The following HECTD4 variants were observed in gnomAD, a reference collection of about 807,000 sequenced individuals.
The protein encoded by HECTD4 is probable E3 ubiquitin-protein ligase HECTD4.
In HECTD4, 114 loss-of-function variants were observed where a neutral mutation model predicts 471.5. That is an observed-to-expected ratio of 0.24 (90% CI 0.21 to 0.28). HECTD4 has a LOEUF of 0.28. Among genes scored for constraint, HECTD4 ranks in the 10% least tolerant of loss-of-function variants. The pLI is 1.00. For synonymous variants in HECTD4, 2,012 were observed against 2,256.0 expected (o/e 0.89, Z 3.07); for missense variants, 3,866 against 5,651.5 (o/e 0.68, Z 10.13).
chr12:112,366,283 A>G (rs1173798389), intron 1 of HECTD4, among the ~76,000 whole-genome samples: 1 of 152,102 alleles, frequency 6.6e-6, no homozygotes, highest in African/African-American at 2.4e-5. Context: ...CAAGGTGGGT[A>G]GACAACTTGA....
At chr12:112,167,683 G>T in intron 71 of HECTD4, 131 bp downstream of exon 71, 1 of 1,038,986 alleles carries the variant, frequency 9.6e-7, no homozygotes, top group Non-Finnish European at 1.5e-6. Flanking sequence ...GTGAGGCAAG[G>T]ACCTGTCCCC....
chr12:112,372,329 G>A (rs990339617), intron 1 of HECTD4, among the ~76,000 whole-genome samples: 14 of 151,650 alleles, frequency 9.2e-5, no homozygotes, highest in Non-Finnish European at 1.3e-4. Context: ...GCGCAATCTC[G>A]GCTCACTGCA....
At chr12:112,338,363 C>G (rs2035995658) in intron 1 of HECTD4, among the ~76,000 whole-genome samples, 1 of 152,192 alleles carries the variant, frequency 6.6e-6, no homozygotes. Context: ...GTGGCTCACG[C>G]CTGTAGTTCT....
At chr12:112,355,126 C>T (rs911085092) in intron 1 of HECTD4, among the ~76,000 whole-genome samples, 1 of 150,304 alleles carries the variant, frequency 6.7e-6, no homozygotes, top group Non-Finnish European at 1.5e-5. Flanking sequence ...AATTCAGGTG[C>T]GTGCCACCAG....
At chr12:112,282,445 T>C (rs888151550) in intron 8 of HECTD4, among the ~76,000 whole-genome samples, 5 of 151,976 alleles carry the variant, frequency 3.3e-5, no homozygotes, top group Non-Finnish European at 7.4e-5. Flanking sequence ...ACAATGTATA[T>C]AGTATACTAC....
At chr12:112,374,514 G>C (rs573823968) in intron 1 of HECTD4, among the ~76,000 whole-genome samples, 1 of 152,336 alleles carries the variant, frequency 6.6e-6, no homozygotes, top group South Asian at 2.1e-4. Context: ...CTGAAAGCCT[G>C]TTGGGCCTTT....
chr12:112,341,736 T>C (rs1441296744), intron 1 of HECTD4, among the ~76,000 whole-genome samples: 3 of 152,174 alleles, frequency 2.0e-5, no homozygotes, highest in Admixed American at 1.3e-4. Context: ...AGACTTAATA[T>C]GTGTTGGGGG....
At chr12:112,355,186 G>A (rs2036311745) in intron 1 of HECTD4, among the ~76,000 whole-genome samples, 1 of 151,300 alleles carries the variant, frequency 6.6e-6, no homozygotes, top group African/African-American at 2.4e-5. Flanking sequence ...TCGCCATGTT[G>A]GCCAGGCTGG....
chr12:112,216,724 T>C, intron 47 of HECTD4, 49 bp downstream of exon 47: 1 of 1,596,400 alleles, frequency 6.3e-7, no homozygotes, highest in East Asian at 2.2e-5. Context: ...ATACACACCT[T>C]GTGGGAGGCT....
chr12:112,247,134 TA>T lies in HECTD4; in HGVS notation c.4338-59del, dbSNP rs565906385. The T allele has an allele frequency of 5.1e-4, 669 of 1,311,080 alleles. 1 individual carries two copies. Among genetic ancestry groups the T allele is most frequent in the Middle Eastern group, 1.3e-3 (5 of 3,834 alleles). The allele number at this position is 1,311,080 out of a possible 1,614,324, so 81.2% of individuals were successfully genotyped here. A position where few individuals can be genotyped will look rare whatever the true frequency, so the allele number is the denominator to read the frequency against. On this transcript the variant is annotated intron_variant, in intron 28 of 75. Transcript: ENST00000682272. ...TCTCTAGCTTATCAAAAACAACTATTAAAAAAAAATGTTTACAAAGAATAAG... is the reference window on the plus strand; with the variant it reads ...TCTCTAGCTTATCAAAAACAACTATTAAAAAAAATGTTTACAAAGAATAAG...
chr12:112,168,758 T>A (rs1450795102), intron 70 of HECTD4, among the ~76,000 whole-genome samples: 1 of 152,330 alleles, frequency 6.6e-6, no homozygotes, highest in Non-Finnish European at 1.5e-5. Flanking sequence ...AGTCCCAGTT[T>A]CCCTATGTGT....
intron 1 of HECTD4, among the ~76,000 whole-genome samples, chr12:112,378,592 C>T (rs2036828698): frequency 6.6e-6 from 1 of 152,086 alleles, no homozygotes; most frequent in Admixed American, 6.6e-5. Flanking sequence ...CAACTTGAGT[C>T]CCGTTCCTCA....
chr12:112,378,052 G>C (rs1488871733), intron 1 of HECTD4, among the ~76,000 whole-genome samples: 1 of 152,116 alleles, frequency 6.6e-6, no homozygotes, highest in Non-Finnish European at 1.5e-5. Context: ...GGAATCCAAA[G>C]GTAGAAAAGC....
In HECTD4 at chr12:112,243,321, A is replaced by C; in HGVS notation, c.4958+32T>G. ...TTTGAATGGCTCTGACCATTCTAGA[A>C]AGGACAGTATAAACTAACAGAAACA... On this transcript the variant is annotated intron_variant, in intron 32 of 75. Coordinates refer to ENST00000682272, the MANE Select transcript of HECTD4 (RefSeq NM_001388303.1). The surrounding 1 kb of genome is among the most constrained non-coding windows in gnomAD (Gnocchi z 6.6). The C allele has an allele frequency of 6.3e-7, 1 of 1,591,218 alleles. No homozygotes were observed. The highest frequency in any genetic ancestry group is 8.6e-7 in the Non-Finnish European group (1 of 1,164,888).
At chr12:112,326,209 C>A (rs1469727027) in intron 1 of HECTD4, among the ~76,000 whole-genome samples, 1 of 152,196 alleles carries the variant, frequency 6.6e-6, no homozygotes, top group East Asian at 1.9e-4. Context: ...GATAGAAGAA[C>A]AGAGTGGTCA....
In HECTD4 at chr12:112,358,064, A is replaced by G. The variant is rs11066270; in HGVS notation, c.177+23888T>C. Among the ~76,000 whole-genome samples, 8,437 of 152,196 alleles carry G rather than the reference A, an allele frequency of 0.055. 1,291 individuals carry two copies. The East Asian group carries it at 0.61, about 11-fold the overall frequency. The stretch of plus-strand genomic sequence containing the variant: ...CTAAAAATACAAAAATTAGCTGGAC[A>G]TGGTGGCAGGCACCTGTAATCCCAG... On this transcript the variant is annotated intron_variant, in intron 1 of 75. Transcript: ENST00000682272.
At chr12:112,266,097 A>G (rs898145694) in intron 14 of HECTD4, 114 bp from the exon 15 acceptor site, 3 of 657,286 alleles carry the variant, frequency 4.6e-6, no homozygotes, top group Non-Finnish European at 5.2e-6. Context: ...GGCACCAGAC[A>G]TACGGACTTA....
chr12:112,360,836 T>C (rs1458634119), intron 1 of HECTD4, among the ~76,000 whole-genome samples: 5 of 151,878 alleles, frequency 3.3e-5, no homozygotes, highest in Non-Finnish European at 7.4e-5. Context: ...ATATAAAAAT[T>C]AGCCAGGCAT....
Position 112,382,418 on chromosome 12 carries a change from T to A in HECTD4, c.-290A>T. 1 of 279,278 alleles carries A rather than the reference T, an allele frequency of 3.6e-6. No individual in the cohort carries two copies. Among genetic ancestry groups the A allele is most frequent in the Non-Finnish European group, 6.5e-6 (1 of 154,108 alleles). The allele number at this position is 279,278 out of a possible 1,614,324, so 17.3% of individuals were successfully genotyped here. On this transcript the variant is annotated 5_prime_UTR_variant, in exon 1 of 76. Transcript: ENST00000682272. ...AACCAACTGTCAGTGAGACGCCATG[T>A]TGGGGGCGGGGCTCCCGGCATGCCT...
Sources: allele counts gnomAD v4.1 joint callset (sites outside exome capture counted in the v4.1 genomes callset), GRCh38; gene constraint gnomAD v4.1.1; non-coding constraint Gnocchi (gnomAD v3.1); transcripts MANE v1.5; gene names NCBI Gene and HGNC (gene_info 2026-07-23, HGNC 2026-07-21).